Variants in C1QTNF1 observed in about 807,000 individuals in gnomAD.
The protein encoded by C1QTNF1 is C1q and TNF related 1.
In C1QTNF1, 22 loss-of-function variants were observed where a neutral mutation model predicts 27.8. The ratio of observed to expected loss-of-function variants is 0.79; its 90% CI spans 0.56 to 1.13. The LOEUF is 1.13. C1QTNF1 is among the 50% of genes most tolerant of loss of function. The pLI is 0.00. For synonymous variants in C1QTNF1, 166 were observed against 154.3 expected, an observed-to-expected ratio of 1.08 and a Z score of -0.56; for missense variants, 373 against 380.2, an observed-to-expected ratio of 0.98 and a Z score of 0.16.
Position 79,024,199 on chromosome 17 carries a change from C to A in C1QTNF1, c.-310C>A, listed in dbSNP as rs1301310290. 1.3e-5 allele frequency: 2 copies of A among 152,398 alleles called. No individual in the cohort carries two copies. Among genetic ancestry groups the A allele is most frequent in the Non-Finnish European group, 2.9e-5 (2 of 68,150 alleles). The allele number at this position is 152,398 out of a possible 1,614,324, so 9.4% of individuals were successfully genotyped here. The stretch of plus-strand genomic sequence containing the variant: ...TGGCTGGGCTTCGCTCCTTGCGCGT[C>A]TGTCCCACTTTCTCCCTCTCTTCCT... On this transcript the variant is annotated 5_prime_UTR_variant, in exon 1 of 4. In the 5' UTR this introduces an upstream ATG that the reference lacks. Transcript: ENST00000579760.
In C1QTNF1 at chr17:79,046,661, G is replaced by T. The variant is rs758961252; in HGVS notation, c.262G>T (p.Ala88Ser). The T allele has an allele frequency of 6.2e-7, 1 of 1,614,124 alleles. No individual in the cohort carries two copies. The highest frequency in any genetic ancestry group is 8.5e-7 in the Non-Finnish European group (1 of 1,180,010). Residue 88 changes from alanine (A) to serine (S), a missense_variant, in exon 3 of 4, where the codon GCC (alanine) becomes TCC (serine). Ala to Ser is a moderately conservative substitution (Grantham distance 99, BLOSUM62 1). Transcript: ENST00000579760. This position sits in a 1 kb window ranked among gnomAD's most constrained non-coding sequence, Gnocchi z 4.8. Reference sequence around the variant, plus strand: ...CGGTACCTCCATGTACCCGGCGACCGCCGTGCCCCAGATCAACATCACTAT... The same window carrying T: ...CGGTACCTCCATGTACCCGGCGACCTCCGTGCCCCAGATCAACATCACTAT... The part of the protein sequence containing the change: ...DPGTSMYPAT[A>S]VPQINITILK...
At chr17:79,040,536 C>T (rs925862407) in intron 1 of C1QTNF1, among the ~76,000 whole-genome samples, 5 of 151,936 alleles carry the variant, frequency 3.3e-5, no homozygotes, top group African/African-American at 4.8e-5. Flanking sequence ...GAAGACAAGG[C>T]GGGCAGGATT....
intron 1 of C1QTNF1, chr17:79,043,513 T>C (rs944177507): frequency 2.2e-6 from 1 of 446,938 alleles, no homozygotes; most frequent in Admixed American, 2.4e-5. Context: ...GTGATGTGGG[T>C]ATATGTATGC....
chr17:79,032,340 C>T (rs2072158287), intron 1 of C1QTNF1, among the ~76,000 whole-genome samples: 1 of 152,158 alleles, frequency 6.6e-6, no homozygotes, highest in Admixed American at 6.5e-5. Flanking sequence ...CAAGTGTGAT[C>T]TGTTAGGGAC....
chr17:79,035,411 T>C (rs114404654), intron 1 of C1QTNF1, among the ~76,000 whole-genome samples: 5,610 of 147,550 alleles, frequency 0.038, 303 homozygotes, highest in African/African-American at 0.13. Context: ...AAACCAGGAG[T>C]GTTTGAGTTC....
chr17:79,044,238 AAGCTG>A, intron 2 of C1QTNF1, 115 bp downstream of exon 2: 1 of 1,233,812 alleles, frequency 8.1e-7, no homozygotes, highest in Non-Finnish European at 1.1e-6. Flanking sequence ...AAGAAAGCTG[AAGCTG>A]AGCCGTGGCC....
chr17:79,027,781 C>T (rs954075422), intron 1 of C1QTNF1: 3 of 152,344 alleles, frequency 2.0e-5, no homozygotes, highest in African/African-American at 7.2e-5. Flanking sequence ...ATGAGTGGCT[C>T]TTGGCAAATC....
chr17:79,048,629 A>C lies in C1QTNF1; in HGVS notation c.*541A>C, dbSNP rs1344023707. The C allele has an allele frequency of 6.6e-6, 1 of 152,438 alleles. No homozygotes were observed. The highest frequency in any genetic ancestry group is 2.4e-5 in the African/African-American group (1 of 41,434). The allele number at this position is 152,438 out of a possible 1,614,324, so 9.4% of individuals were successfully genotyped here. A position where few individuals can be genotyped will look rare whatever the true frequency, so the allele number is the denominator to read the frequency against. On this transcript the variant is annotated 3_prime_UTR_variant, in exon 4 of 4. Transcript: ENST00000579760. ...GGGGGCAGGAAACTACCTCTGGCTT[A>C]ATTCTTTTAAGCCACGTAGGAACTT...
chr17:79,027,802 C>T (rs2072012167), intron 1 of C1QTNF1: 1 of 152,382 alleles, frequency 6.6e-6, no homozygotes, highest in East Asian at 1.9e-4. Context: ...AGCACCCCTC[C>T]AGCTGCCTGT....
At chr17:79,023,825 C>T (rs73413103), upstream of C1QTNF1, among the ~76,000 whole-genome samples, 1,518 of 152,346 alleles carry the variant, frequency 1.0e-2, 25 homozygotes, top group African/African-American at 0.034. Flanking sequence ...AGGTCTGCCA[C>T]TGTTTGGAGA....
chr17:79,030,489 C>CTTTCTTTCTTTCTTTCTT (rs1568061070), intron 1 of C1QTNF1, among the ~76,000 whole-genome samples: 1 of 62,208 alleles, frequency 1.6e-5, no homozygotes, highest in African/African-American at 5.6e-5. Flanking sequence ...CTTTCTTTTT[C>CTTTCTTTCTTTCTTTCTT]TTTCTTTCTT....
Position 79,047,535 on chromosome 17 carries a change from T to G in C1QTNF1, c.296-3T>G. On this transcript the variant is annotated splice_region_variant and splice_polypyrimidine_tract_variant and intron_variant, in intron 3 of 3. Coordinates refer to ENST00000579760, the MANE Select transcript of C1QTNF1 (RefSeq NM_030968.5). ...ACAGCACGCGTTTTCCCATCCCTTTTAGGGGAGAAGGGTGACCGCGGAGAT... is the reference window on the plus strand; with the variant it reads ...ACAGCACGCGTTTTCCCATCCCTTTGAGGGGAGAAGGGTGACCGCGGAGAT... 6.6e-7 allele frequency: 1 copy of G among 1,521,522 alleles called. No homozygotes were observed. The highest frequency in any genetic ancestry group is 8.8e-7 in the Non-Finnish European group (1 of 1,136,798). The allele number at this position is 1,521,522 out of a possible 1,614,324, so 94.3% of individuals were successfully genotyped here.
At chr17:79,045,510 G>A (rs984830091) in intron 2 of C1QTNF1, among the ~76,000 whole-genome samples, 1 of 152,210 alleles carries the variant, frequency 6.6e-6, no homozygotes, top group Admixed American at 6.5e-5. Flanking sequence ...AATGGCAGGG[G>A]TGCATCAGAG....
chr17:79,037,574 A>G (rs1189252177), intron 1 of C1QTNF1, among the ~76,000 whole-genome samples: 1 of 152,244 alleles, frequency 6.6e-6, no homozygotes, highest in East Asian at 1.9e-4. Context: ...AAAAGGCCCA[A>G]TTTGAAACAA....
chr17:79,033,986 C>G (rs2072202382), intron 1 of C1QTNF1, among the ~76,000 whole-genome samples: 1 of 152,124 alleles, frequency 6.6e-6, no homozygotes, highest in African/African-American at 2.4e-5. Flanking sequence ...CAGTGGGATG[C>G]TGTGCTGATT....
At position 79,046,806 on chromosome 17, in the gene C1QTNF1, G is replaced by A; in HGVS notation, c.295+112G>A. 1 of 1,382,880 alleles carries A rather than the reference G, an allele frequency of 7.2e-7. No individual in the cohort carries two copies. The highest frequency in any genetic ancestry group is 9.9e-7 in the Non-Finnish European group (1 of 1,008,098). 85.7% of individuals were successfully genotyped at this position (1,382,880 alleles called of 1,614,324 possible). A position where few individuals can be genotyped will look rare whatever the true frequency, so the allele number is the denominator to read the frequency against. ...AGGCGAGAGCAGAATGGCTCCCTCG[G>A]GACAGGGAGCAGAGGCAGGCAGGCT... On this transcript the variant is annotated intron_variant, in intron 3 of 3. Transcript: ENST00000579760. The surrounding 1 kb of genome is among the most constrained non-coding windows in gnomAD (Gnocchi z 4.8).
At chr17:79,030,013 C>T (rs954590963) in intron 1 of C1QTNF1, among the ~76,000 whole-genome samples, 5 of 152,052 alleles carry the variant, frequency 3.3e-5, no homozygotes, top group Non-Finnish European at 4.4e-5. Context: ...ACTTGTATTC[C>T]CCGTGGTTCC....
chr17:79,046,568 C>T lies in C1QTNF1; in HGVS notation c.169C>T (p.His57Tyr). 6.2e-7 allele frequency: 1 copy of T among 1,614,188 alleles called. No homozygotes were observed. Among genetic ancestry groups the T allele is most frequent in the African/African-American group, 1.3e-5 (1 of 75,060 alleles). ...TTATTCCCTCAGGGCTGAAGAACAA[C>T]ATGAAAAATACAGGCCCAGTCAGGA... is the stretch of plus-strand genomic sequence containing the variant. ...PDHAERAEEQ[H>Y]EKYRPSQDQG... Residue 57 changes from histidine to tyrosine, a missense_variant, in exon 3 of 4, where the codon CAT becomes TAT. Transcript: ENST00000579760. The surrounding 1 kb of genome is among the most constrained non-coding windows in gnomAD (Gnocchi z 4.8).
At chr17:79,024,839 C>T (rs1477778359) in intron 1 of C1QTNF1, 1 of 152,424 alleles carries the variant, frequency 6.6e-6, no homozygotes, top group African/African-American at 2.4e-5. Flanking sequence ...TCTTGTTTCA[C>T]TGTTCTCTGG....
Sources: allele counts gnomAD v4.1 joint callset (sites outside exome capture counted in the v4.1 genomes callset), GRCh38; gene constraint gnomAD v4.1.1; non-coding constraint Gnocchi (gnomAD v3.1); transcripts MANE v1.5; gene names NCBI Gene and HGNC (gene_info 2026-07-23, HGNC 2026-07-21).